Variants in PIGN observed in about 807,000 individuals in gnomAD.
PIGN encodes the protein phosphatidylinositol glycan anchor biosynthesis class N.
In PIGN, 117 loss-of-function variants were observed where a neutral mutation model predicts 125.4. That is an observed-to-expected ratio of 0.93 (90% CI 0.80 to 1.09). The LOEUF (loss-of-function observed/expected upper bound fraction) is 1.09, where lower values mean the gene tolerates loss of function less well. Among genes scored for constraint, PIGN ranks in the 50% least tolerant of loss-of-function variants. The pLI is 0.00. For synonymous variants in PIGN, 392 were observed against 377.8 expected (o/e 1.04, Z -0.44); for missense variants, 1,075 against 1,094.9 (o/e 0.98, Z 0.26).
At chr18:62,177,932 C>T (rs866696536) in intron 1 of PIGN, among the ~76,000 whole-genome samples, 7 of 152,258 alleles carry the variant, frequency 4.6e-5, no homozygotes, top group South Asian at 2.1e-4. Context: ...TTAGCCTTCA[C>T]CTTCTGCTTG....
rs1466052088 is a variant in PIGN at position 62,067,102 on chromosome 18, A to G, written c.2672+5571T>C. Among the ~76,000 whole-genome samples the G allele has an allele frequency of 2.0e-5, 3 of 152,126 alleles. No individual in the cohort carries two copies. The East Asian group carries it at 5.8e-4, about 29-fold the overall frequency. On this transcript the variant is annotated intron_variant, in intron 30 of 30. Transcript: ENST00000640252. ...GAAAGATTTATAATGAAAAGCAACAATCTTTCATTCCTTCTTATTCACTTT... is the reference window on the plus strand; with the variant it reads ...GAAAGATTTATAATGAAAAGCAACAGTCTTTCATTCCTTCTTATTCACTTT...
chr18:62,062,854 A>G (rs2032237346), intron 30 of PIGN, among the ~76,000 whole-genome samples: 2 of 74,192 alleles, frequency 2.7e-5, no homozygotes, highest in Non-Finnish European at 5.5e-5. Flanking sequence ...AATGATGCTC[A>G]TTATTTGTTT....
At chr18:62,059,663 T>C (rs1183969938) in intron 30 of PIGN, among the ~76,000 whole-genome samples, 4 of 152,182 alleles carry the variant, frequency 2.6e-5, no homozygotes, top group Non-Finnish European at 2.9e-5. Context: ...TGGGAACAGA[T>C]TGTGAACAGG....
At chr18:62,103,524 G>A (rs2034526037) in intron 20 of PIGN, 2 of 152,178 alleles carry the variant, frequency 1.3e-5, no homozygotes, top group African/African-American at 2.4e-5. Flanking sequence ...GGTATAGTAT[G>A]TTTCCTAAAG....
intron 28 of PIGN, among the ~76,000 whole-genome samples, chr18:62,082,096 T>G (rs970275035): frequency 9.9e-5 from 15 of 152,160 alleles, no homozygotes; most frequent in Admixed American, 9.8e-4. Flanking sequence ...AAGCAAATAG[T>G]TGAGTTGACA....
intron 7 of PIGN, among the ~76,000 whole-genome samples, chr18:62,150,264 G>A (rs764887628): frequency 9.9e-5 from 15 of 152,200 alleles, no homozygotes; most frequent in African/African-American, 2.2e-4. Flanking sequence ...GATTACAGGC[G>A]TGAGCCACCG....
At chr18:62,114,473 C>T (rs1410832323) in intron 15 of PIGN, 88 bp downstream of exon 15, 6 of 785,064 alleles carry the variant, frequency 7.6e-6, no homozygotes, top group African/African-American at 5.2e-5. Flanking sequence ...AAGAAAGCTC[C>T]CTGGCCTGCC....
intron 7 of PIGN, among the ~76,000 whole-genome samples, chr18:62,149,396 A>C (rs894349877): frequency 1.1e-4 from 17 of 152,224 alleles, no homozygotes; most frequent in African/African-American, 4.1e-4. Flanking sequence ...TTAAGAGAAA[A>C]GAATTAAAAG....
intron 23 of PIGN, among the ~76,000 whole-genome samples, chr18:62,020,671 C>G (rs564201014): frequency 6.6e-6 from 1 of 151,946 alleles, no homozygotes; most frequent in Non-Finnish European, 1.5e-5. Flanking sequence ...AAAGACTGGC[C>G]GGGCGCGGTG....
At chr18:62,130,504 T>C (rs1214854533) in intron 14 of PIGN, among the ~76,000 whole-genome samples, 1 of 151,006 alleles carries the variant, frequency 6.6e-6, no homozygotes, top group Admixed American at 6.7e-5. Flanking sequence ...AAATATCAAG[T>C]TTTAAAGAAT....
rs75760623 is a variant in PIGN, at chr18:62,131,079, C to T, written c.1172+7164G>A. 9.6e-3 allele frequency among the ~76,000 whole-genome samples: 1,465 copies of T among 151,896 alleles called. 47 individuals carry two copies. The highest frequency in any genetic ancestry group is 0.069 in the East Asian group (356 of 5,156). ...ATAATTAGTAAATCAGATAGGTAAA[C>T]TGGTAGAAAGGTTCACATACAAGCT... On this transcript the variant is annotated intron_variant, in intron 14 of 30. Transcript: ENST00000640252.
chr18:62,160,522 GT>G (rs1182536711), intron 4 of PIGN, among the ~76,000 whole-genome samples: 5 of 141,450 alleles, frequency 3.5e-5, no homozygotes, highest in African/African-American at 5.2e-5. Flanking sequence ...CTTTTTTTTT[GT>G]TTTTTTTTTT....
intron 30 of PIGN, chr18:62,058,858 G>A (rs1004834048): frequency 1.3e-5 from 2 of 152,012 alleles, no homozygotes; most frequent in Non-Finnish European, 2.9e-5. Context: ...GGCCTCAGAA[G>A]ACACTCCAAA....
chr18:62,029,239 T>C (rs561203923), intron 23 of PIGN, among the ~76,000 whole-genome samples: 28 of 152,344 alleles, frequency 1.8e-4, no homozygotes, highest in Admixed American at 1.7e-3. Flanking sequence ...CTCTGTCCTT[T>C]GGATAAACTG....
intron 16 of PIGN, among the ~76,000 whole-genome samples, chr18:62,111,753 T>C (rs1050440872): frequency 6.6e-6 from 1 of 152,180 alleles, no homozygotes; most frequent in Non-Finnish European, 1.5e-5. Flanking sequence ...CTGTTGATAG[T>C]GTATTTTATG....
chr18:62,106,656 T>C (rs1396446638), intron 19 of PIGN, 133 bp downstream of exon 19: 3 of 630,932 alleles, frequency 4.8e-6, no homozygotes, highest in Non-Finnish European at 8.5e-6. Context: ...AGTCCTCCTA[T>C]CAATATGACT....
intron 1 of PIGN, among the ~76,000 whole-genome samples, chr18:62,176,854 T>C (rs62096118): frequency 0.58 from 88,128 of 151,616 alleles, 26,390 homozygotes; most frequent in East Asian, 0.78. Flanking sequence ...GATAATTATA[T>C]GATGTTTACA....
At position 62,107,079 on chromosome 18, in the gene PIGN, T is replaced by C. The variant is rs758924574; in HGVS notation, c.1581A>G (p.Gln527=). The C allele has an allele frequency of 7.7e-6, 12 of 1,565,718 alleles. No homozygotes were observed. In the East Asian group the frequency reaches 1.2e-4, roughly 15 times the overall value. The change falls in exon 18 of 31, where the codon CAA becomes CAG. Residue 527 remains glutamine, a synonymous_variant. Coordinates refer to ENST00000640252, the MANE Select transcript of PIGN (RefSeq NM_176787.5). ...PIWYAVLREF[Q]VIQDLVVSVL... ...CTGATACAACAAGGTCCTGAATAACTTGAAATCTGTTTCAAATAAAAAGAC... is the reference window on the plus strand; with the variant it reads ...CTGATACAACAAGGTCCTGAATAACCTGAAATCTGTTTCAAATAAAAAGAC...
At position 62,175,902 on chromosome 18, in the gene PIGN, A is replaced by G. The variant is rs371086877; in HGVS notation, c.-236+10942T>C. ...GGAATATGGCAGGAAGAGAGCTAAT[A>G]AAAAGTCCTTGAAAGCTTCTAAAAT... On this transcript the variant is annotated intron_variant, in intron 1 of 30. Transcript: ENST00000640252. Among the ~76,000 whole-genome samples the G allele has an allele frequency of 1.5e-4, 23 of 152,322 alleles. No homozygotes were observed. The East Asian group carries it at 4.0e-3, about 27-fold the overall frequency.
Sources: allele counts gnomAD v4.1 joint callset (sites outside exome capture counted in the v4.1 genomes callset), GRCh38; gene constraint gnomAD v4.1.1; transcripts MANE v1.5; gene names NCBI Gene and HGNC (gene_info 2026-07-23, HGNC 2026-07-21).